FLT4: variants seen among roughly 807,000 people sequenced by gnomAD.
FLT4 encodes the protein vascular endothelial growth factor receptor 3.
Under a neutral mutation model 163.2 loss-of-function variants are expected in FLT4, and 30 were observed. The observed-to-expected ratio is 0.18, with a 90% CI of 0.14 to 0.25. The LOEUF (loss-of-function observed/expected upper bound fraction) is 0.25. Ranked by LOEUF, FLT4 falls within the 10% of genes least tolerant of loss-of-function variation. The pLI is 1.00. For missense variants in FLT4, 1,510 were observed against 1,863.8 expected (o/e 0.81, Z 3.50); for synonymous variants, 884 against 789.5 (o/e 1.12, Z -2.01).
chr5:180,613,959 T>C, intron 24 of FLT4, 109 bp downstream of exon 24: 1 of 817,662 alleles, frequency 1.2e-6, no homozygotes, highest in East Asian at 2.5e-5. Flanking sequence ...CAGAACGACC[T>C]GGCACACACC....
chr5:180,621,968 G>A (rs549467637), intron 12 of FLT4, 64 bp from the exon 13 acceptor site: 7 of 1,589,628 alleles, frequency 4.4e-6, no homozygotes, highest in Middle Eastern at 1.8e-4. Flanking sequence ...TCCACCTGCC[G>A]CCCCGGGGTC....
In FLT4 at chr5:180,623,537, G is replaced by A. The variant is rs1763342794; in HGVS notation, c.1548+398C>T. ...AACAGGAAGTGACTGGAGGAAGTAG[G>A]TGCCTTTGTTCAGTACCCCCTTCTC... On this transcript the variant is annotated intron_variant, in intron 11 of 29. Transcript: ENST00000261937. The surrounding 1 kb of genome is among the most constrained non-coding windows in gnomAD (Gnocchi z 5.8). Among the ~76,000 whole-genome samples, 1 of 152,060 alleles carries A rather than the reference G, an allele frequency of 6.6e-6. No individual in the cohort carries two copies. The highest frequency in any genetic ancestry group is 1.5e-5 in the Non-Finnish European group (1 of 67,990).
intron 26 of FLT4, 33 bp downstream of exon 26, chr5:180,612,473 G>T: frequency 6.6e-7 from 1 of 1,521,586 alleles, no homozygotes; most frequent in Non-Finnish European, 9.1e-7. Flanking sequence ...GGGGCCAAAG[G>T]CCATAGTAGA....
rs573267535 is a variant in FLT4 at position 180,616,507 on chromosome 5, G to A, written c.3097-18C>T. 23 of 1,613,260 alleles carry A rather than the reference G, an allele frequency of 1.4e-5. No individual in the cohort carries two copies. Among genetic ancestry groups the A allele is most frequent in the East Asian group, 8.9e-5 (4 of 44,876 alleles). On this transcript the variant is annotated intron_variant, in intron 22 of 29. Coordinates refer to ENST00000261937, the MANE Select transcript of FLT4 (RefSeq NM_182925.5). The stretch of plus-strand genomic sequence containing the variant: ...TGGATGCACTGGGGTGCGGGGAGGC[G>A]GCAGGGGGGCTGTCAGTGCAGGCCC...
intron 18 of FLT4, 135 bp downstream of exon 18, chr5:180,619,530 C>T (rs760208033): frequency 1.0e-6 from 1 of 985,622 alleles, no homozygotes; most frequent in South Asian, 1.3e-5. Context: ...CTGAAGCCCG[C>T]AGCCTCCCTG....
rs200637530 is a variant in FLT4, at chr5:180,603,764, C to T, written c.3894-374G>A. 4.6e-5 allele frequency among the ~76,000 whole-genome samples: 7 copies of T among 152,178 alleles called. No individual in the cohort carries two copies. In the South Asian group the frequency reaches 1.0e-3, roughly 23 times the overall value. On this transcript the variant is annotated intron_variant, in intron 29 of 29. Transcript: ENST00000261937. Reference sequence around the variant, plus strand: ...CTAAAAATACAAAACATTAGCCGGGCGTGGTGGCGGGCGCCTGTAGTCCCA... The same window carrying T: ...CTAAAAATACAAAACATTAGCCGGGTGTGGTGGCGGGCGCCTGTAGTCCCA...
intron 2 of FLT4, 105 bp downstream of exon 2, chr5:180,631,577 T>C: frequency 2.1e-6 from 2 of 933,416 alleles, no homozygotes; most frequent in South Asian, 2.6e-5. Flanking sequence ...CACTCTGCCC[T>C]GACTCTGCCC....
At chr5:180,632,978 C>G (rs938224596) in intron 1 of FLT4, among the ~76,000 whole-genome samples, 4 of 152,010 alleles carry the variant, frequency 2.6e-5, no homozygotes, top group African/African-American at 9.7e-5. Flanking sequence ...GGGCACAGCC[C>G]ACTCTTCTGC....
chr5:180,601,761 G>A lies in FLT4; in HGVS notation c.*1431C>T, dbSNP rs928533293. On this transcript the variant is annotated 3_prime_UTR_variant, in exon 30 of 30. Transcript: ENST00000261937. ...TGGACGACGTGCAGAGGAAGGGGGAGGTCCACGGGGACGACGAAGATGACC... is the reference window on the plus strand; with the variant it reads ...TGGACGACGTGCAGAGGAAGGGGGAAGTCCACGGGGACGACGAAGATGACC... 1.3e-5 allele frequency: 3 copies of A among 233,208 alleles called. No homozygotes were observed. The highest frequency in any genetic ancestry group is 2.5e-5 in the Non-Finnish European group (3 of 118,094). The allele number at this position is 233,208 out of a possible 1,614,324, so 14.4% of individuals were successfully genotyped here.
intron 10 of FLT4, 52 bp downstream of exon 10, chr5:180,625,817 G>A (rs3736063): frequency 0.031 from 48,312 of 1,571,850 alleles, 1,042 homozygotes; most frequent in East Asian, 0.12. Flanking sequence ...CCTCATGGCT[G>A]AGGCTGGGGG....
At chr5:180,611,235 C>T (rs1762165822) in intron 27 of FLT4, 96 bp downstream of exon 27, 3 of 1,410,304 alleles carry the variant, frequency 2.1e-6, no homozygotes, top group South Asian at 2.3e-5. Flanking sequence ...TCTGACGTCG[C>T]ATGATTTGCT....
At chr5:180,612,230 G>A (rs933595671) in intron 26 of FLT4, among the ~76,000 whole-genome samples, 2 of 152,174 alleles carry the variant, frequency 1.3e-5, no homozygotes, top group African/African-American at 4.8e-5. Context: ...TCACAGGCCG[G>A]GGGGGACCAG....
rs1232777951 is a variant in FLT4 at position 180,636,617 on chromosome 5, C to T, written c.59-4839G>A. The stretch of plus-strand genomic sequence containing the variant: ...ATCCACAGGGCTGACTCACCAGCAC[C>T]CTGGCCTCTGAGATCCCCCCTGCAC... On this transcript the variant is annotated intron_variant, in intron 1 of 29. Coordinates refer to ENST00000261937, the MANE Select transcript of FLT4 (RefSeq NM_182925.5). This position sits in a 1 kb window ranked among gnomAD's most constrained non-coding sequence, Gnocchi z 4.3. Among the ~76,000 whole-genome samples the T allele has an allele frequency of 6.6e-6, 1 of 151,862 alleles. No homozygotes were observed. Among genetic ancestry groups the T allele is most frequent in the Non-Finnish European group, 1.5e-5 (1 of 67,956 alleles).
rs368166423 is a variant in FLT4, at chr5:180,630,386, G to A, written c.401-49C>T. On this transcript the variant is annotated intron_variant, in intron 3 of 29. Transcript: ENST00000261937. The surrounding 1 kb of genome is among the most constrained non-coding windows in gnomAD (Gnocchi z 6.3). ...GGGGAAGGGACGTGGCGGCCAGGCT[G>A]GGGGAGGGCTCCACGGGGCTGGGTG... 6.4e-7 allele frequency: 1 copy of A among 1,572,180 alleles called. No homozygotes were observed. The highest frequency in any genetic ancestry group is 1.1e-5 in the South Asian group (1 of 90,280).
At chr5:180,631,366 G>A (rs1304286144) in intron 2 of FLT4, among the ~76,000 whole-genome samples, 1 of 152,094 alleles carries the variant, frequency 6.6e-6, no homozygotes, top group African/African-American at 2.4e-5. Flanking sequence ...CCAGCTACTT[G>A]GGAGGCTGAG....
chr5:180,629,007 A>AC lies in FLT4; in HGVS notation c.986-9dup. The AC allele has an allele frequency of 6.2e-7, 1 of 1,606,548 alleles. No individual in the cohort carries two copies. Among genetic ancestry groups the AC allele is most frequent in the Non-Finnish European group, 8.5e-7 (1 of 1,174,384 alleles). On this transcript the variant is annotated splice_polypyrimidine_tract_variant and intron_variant, in intron 7 of 29. Coordinates refer to ENST00000261937, the MANE Select transcript of FLT4 (RefSeq NM_182925.5). ...CGCTGATGAAGGGATTTTCTGCCGG[A>AC]CAGGAGAAGTCACTGTAAATCCAGG...
chr5:180,609,743 C>T (rs56383065), intron 28 of FLT4, 162 bp downstream of exon 28: 9 of 811,498 alleles, frequency 1.1e-5, no homozygotes, highest in South Asian at 6.1e-5. Context: ...GTCGTGGCAT[C>T]GCAGGAGGGC....
chr5:180,644,096 C>T (rs114209488), intron 1 of FLT4, among the ~76,000 whole-genome samples: 5,362 of 152,294 alleles, frequency 0.035, 127 homozygotes, highest in South Asian at 0.11. Context: ...GGATTACAGG[C>T]GTGAGCCACC....
intron 27 of FLT4, 77 bp from the exon 28 acceptor site, chr5:180,610,102 C>G: frequency 8.7e-6 from 14 of 1,602,594 alleles, no homozygotes; most frequent in Non-Finnish European, 1.2e-5. Flanking sequence ...TGTCCCTGTG[C>G]CCCCTCTTCT....
Sources: gnomAD v4.1 joint callset for allele counts (sites outside exome capture counted in the v4.1 genomes callset) on GRCh38, gnomAD v4.1.1 for gene constraint, Gnocchi (gnomAD v3.1) non-coding constraint, MANE v1.5 for transcripts, NCBI Gene and HGNC (gene_info 2026-07-23, HGNC 2026-07-21) for gene names.